The following REDIC1 variants were observed in gnomAD, a reference collection of about 807,000 sequenced individuals.
The protein encoded by REDIC1 is regulator of DNA class I crossover intermediates 1.
At chr12:39,828,065 C>T in the REDIC1 span, among the ~76,000 whole-genome samples, 31 of 152,174 alleles carry the variant, frequency 2.0e-4, no homozygotes, top group Non-Finnish European at 4.4e-4. Context: ...CACCAATCAA[C>T]CAACAAAAAT....
At chr12:39,740,699 G>A in the REDIC1 span, among the ~76,000 whole-genome samples, 31,508 of 152,020 alleles carry the variant, frequency 0.21, 3,993 homozygotes, top group East Asian at 0.38. Context: ...AAGAATGGGA[G>A]ACTTGGAGTC....
the REDIC1 span, chr12:39,864,890 A>T: frequency 6.2e-7 from 1 of 1,604,940 alleles, no homozygotes; most frequent in Non-Finnish European, 8.5e-7. Context: ...TACCTTAAAA[A>T]AAAAAAGTTT....
chr12:39,872,766 A>G, the REDIC1 span, among the ~76,000 whole-genome samples: 1 of 152,232 alleles, frequency 6.6e-6, no homozygotes, highest in Non-Finnish European at 1.5e-5. Flanking sequence ...AGTTAACCTG[A>G]AAACAAAGAA....
At chr12:39,696,542 CAAAAAAAAAAAAAAAAA>C in the REDIC1 span, among the ~76,000 whole-genome samples, 36 of 11,060 alleles carry the variant, frequency 3.3e-3, no homozygotes, top group South Asian at 0.016. Context: ...GACTCTGTCT[CAAAAAAAAAAAAAAAAA>C]AAAAAAAAAA....
chr12:39,652,131 C>T, the REDIC1 span, among the ~76,000 whole-genome samples: 80 of 152,206 alleles, frequency 5.3e-4, no homozygotes, highest in African/African-American at 1.7e-3. Flanking sequence ...CATAGCACAA[C>T]GTATTCATTT....
the REDIC1 span, among the ~76,000 whole-genome samples, chr12:39,843,947 C>G: frequency 6.6e-6 from 1 of 151,958 alleles, no homozygotes; most frequent in Admixed American, 6.6e-5. Flanking sequence ...CCCCCCAAAG[C>G]ATTACAAACT....
chr12:39,681,860 A>AT, the REDIC1 span, among the ~76,000 whole-genome samples: 8 of 152,144 alleles, frequency 5.3e-5, no homozygotes, highest in Middle Eastern at 0.024. Context: ...TTTTTTCCTA[A>AT]TTTTTTTGAT....
the REDIC1 span, among the ~76,000 whole-genome samples, chr12:39,699,933 A>T: frequency 1.3e-5 from 2 of 152,194 alleles, no homozygotes; most frequent in African/African-American, 2.4e-5. Context: ...CCAAAAACCC[A>T]TCTGTACATC....
the REDIC1 span, among the ~76,000 whole-genome samples, chr12:39,705,273 A>G: frequency 1.3e-5 from 2 of 152,068 alleles, no homozygotes; most frequent in South Asian, 4.1e-4. Context: ...GAAGAAATCC[A>G]AAACCTGAAC....
chr12:39,647,803 G>A, the REDIC1 span: 2 of 1,559,082 alleles, frequency 1.3e-6, no homozygotes, highest in South Asian at 1.2e-5. Context: ...CACAAGGCAT[G>A]GACTCATATA....
the REDIC1 span, among the ~76,000 whole-genome samples, chr12:39,870,389 T>G: frequency 5.9e-5 from 9 of 152,318 alleles, no homozygotes; most frequent in East Asian, 1.7e-3. Flanking sequence ...TAGTAATCTA[T>G]CCTTTCGTTG....
the REDIC1 span, among the ~76,000 whole-genome samples, chr12:39,686,885 T>G: frequency 6.6e-6 from 1 of 152,216 alleles, no homozygotes; most frequent in East Asian, 1.9e-4. Context: ...TGCTTAGAAA[T>G]TTCTTCTGCC....
the REDIC1 span, among the ~76,000 whole-genome samples, chr12:39,856,251 A>C: frequency 6.6e-6 from 1 of 152,156 alleles, no homozygotes; most frequent in Non-Finnish European, 1.5e-5. Context: ...CCATCCATCC[A>C]TCCATCCATT....
the REDIC1 span, among the ~76,000 whole-genome samples, chr12:39,858,316 G>T: frequency 1.3e-5 from 2 of 152,012 alleles, no homozygotes; most frequent in Non-Finnish European, 2.9e-5. Flanking sequence ...TCTCCAATGG[G>T]TCTGTAGATA....
the REDIC1 span, among the ~76,000 whole-genome samples, chr12:39,713,282 ACG>A: frequency 9.5e-5 from 1 of 10,538 alleles, no homozygotes. Context: ...ACACACACAT[ACG>A]TGTATATATG....
chr12:39,799,528 C>A, the REDIC1 span, among the ~76,000 whole-genome samples: 3 of 151,696 alleles, frequency 2.0e-5, no homozygotes, highest in South Asian at 6.3e-4. Flanking sequence ...TTAGAACTGG[C>A]AGAGTAGAGT....
the REDIC1 span, among the ~76,000 whole-genome samples, chr12:39,765,466 A>T: frequency 6.6e-6 from 1 of 151,996 alleles, no homozygotes; most frequent in Admixed American, 6.6e-5. Context: ...CTGAAGTTGA[A>T]CTTCCAGTTC....
At chr12:39,730,189 G>T in the REDIC1 span, among the ~76,000 whole-genome samples, 1 of 152,162 alleles carries the variant, frequency 6.6e-6, no homozygotes, top group African/African-American at 2.4e-5. Flanking sequence ...GTGTGAATTT[G>T]ATCCTGTCAT....
chr12:39,838,152 TACGCAG>T, the REDIC1 span, among the ~76,000 whole-genome samples: 1 of 147,748 alleles, frequency 6.8e-6, no homozygotes, highest in Non-Finnish European at 1.5e-5. Context: ...CATGGAATAC[TACGCAG>T]CCATAAAAAA....
Sources: gnomAD v4.1 joint callset for allele counts (sites outside exome capture counted in the v4.1 genomes callset) on GRCh38, gnomAD v4.1.1 for gene constraint, MANE v1.5 for transcripts, NCBI Gene and HGNC (gene_info 2026-07-23, HGNC 2026-07-21) for gene names.